Variants in GSE1 observed in about 807,000 individuals in gnomAD.
The protein encoded by GSE1 is Gse1 coiled-coil protein, also known as genetic suppressor element 1.
A neutral mutation model predicts 112.6 loss-of-function variants in GSE1; 32 were observed. The observed-to-expected ratio is 0.28, with a 90% CI of 0.21 to 0.38. The LOEUF (loss-of-function observed/expected upper bound fraction) is 0.38. Among genes scored for constraint, GSE1 ranks in the 10% least tolerant of loss-of-function variants. The pLI is 1.00. For missense variants in GSE1, 2,348 were observed against 1,699.2 expected (o/e 1.38, Z -6.71); for synonymous variants, 1,115 against 735.6 (o/e 1.52, Z -8.35).
intron 1 of GSE1, among the ~76,000 whole-genome samples, chr16:85,286,608 C>G (rs1357331605): frequency 6.6e-6 from 1 of 152,140 alleles, no homozygotes; most frequent in African/African-American, 2.4e-5. Context: ...CTGCAACAGT[C>G]ATCGTGGGCA....
At chr16:85,186,916 C>G (rs536469768) in intron 1 of GSE1, among the ~76,000 whole-genome samples, 1 of 152,156 alleles carries the variant, frequency 6.6e-6, no homozygotes, top group Admixed American at 6.5e-5. Context: ...ACCCTGTAAA[C>G]AGGACCCTCT....
At chr16:85,501,269 T>A (rs967038397) in intron 2 of GSE1, among the ~76,000 whole-genome samples, 2 of 152,126 alleles carry the variant, frequency 1.3e-5, no homozygotes, top group African/African-American at 4.8e-5. Flanking sequence ...CCCAAAGTGC[T>A]GGGATTACAG....
At chr16:85,401,168 C>T (rs988829299) in intron 2 of GSE1, among the ~76,000 whole-genome samples, 8 of 152,234 alleles carry the variant, frequency 5.3e-5, no homozygotes, top group African/African-American at 7.2e-5. Context: ...TGGGGGCCCC[C>T]GCCCGGCAGG....
At chr16:85,388,004 A>ATGGG (rs2047727549) in intron 2 of GSE1, among the ~76,000 whole-genome samples, 1 of 87,270 alleles carries the variant, frequency 1.1e-5, no homozygotes, top group African/African-American at 3.9e-5. Context: ...GGATGGATGG[A>ATGGG]TGGATGGATG....
rs997091138 is a variant in GSE1 at position 85,661,586 on chromosome 16, C to G, written c.2081C>G (p.Pro694Arg). ...TILGQQRASL[P>R]QAATFGELSG... ...CTGGGCCAGCAGCGGGCCTCCCTCC[C>G]ACAGGCGGCCACCTTCGGGGAGCTC... is the stretch of plus-strand genomic sequence containing the variant. The change falls in exon 9 of 16, where the codon CCA (proline) becomes CGA (arginine). Residue 694 changes from proline to arginine, a missense_variant. By Grantham distance (103) the Pro-to-Arg change is moderately radical. Coordinates refer to ENST00000253458, the MANE Select transcript of GSE1 (RefSeq NM_014615.5). 6 of 1,610,148 alleles carry G rather than the reference C, an allele frequency of 3.7e-6. No homozygotes were observed. Among genetic ancestry groups the G allele is most frequent in the Non-Finnish European group, 4.2e-6 (5 of 1,178,932 alleles).
chr16:85,273,493 G>T (rs937001343), intron 1 of GSE1, among the ~76,000 whole-genome samples: 4 of 152,164 alleles, frequency 2.6e-5, no homozygotes, highest in Admixed American at 6.5e-5. Flanking sequence ...GTGAAGTGCA[G>T]ATCCATGGTG....
At chr16:85,330,151 G>C (rs2046308569) in intron 1 of GSE1, among the ~76,000 whole-genome samples, 5 of 152,196 alleles carry the variant, frequency 3.3e-5, no homozygotes, top group Admixed American at 3.3e-4. Flanking sequence ...GGGACCCCAG[G>C]GCTCATGTCC....
chr16:85,195,768 G>A (rs1325227096), intron 1 of GSE1, among the ~76,000 whole-genome samples: 1 of 152,140 alleles, frequency 6.6e-6, no homozygotes, highest in Non-Finnish European at 1.5e-5. Context: ...AGACTGTCCC[G>A]GAAAGGTTAG....
At chr16:85,528,788 C>T (rs1004684862) in intron 2 of GSE1, among the ~76,000 whole-genome samples, 2 of 152,090 alleles carry the variant, frequency 1.3e-5, no homozygotes, top group Non-Finnish European at 2.9e-5. Flanking sequence ...AAGCTGATGC[C>T]TCTTGTTCCA....
chr16:85,203,185 C>T (rs963655143), intron 1 of GSE1, among the ~76,000 whole-genome samples: 10 of 149,786 alleles, frequency 6.7e-5, no homozygotes, highest in African/African-American at 2.0e-4. Flanking sequence ...CTAGGCACCC[C>T]CTTTCCATCT....
intron 1 of GSE1, among the ~76,000 whole-genome samples, chr16:85,229,160 C>A (rs942377339): frequency 8.5e-5 from 13 of 152,218 alleles, no homozygotes; most frequent in African/African-American, 3.1e-4. Flanking sequence ...TAAGAGGACG[C>A]CCCCCTTTGT....
intron 1 of GSE1, among the ~76,000 whole-genome samples, chr16:85,574,453 G>A (rs1166122014): frequency 2.0e-5 from 3 of 152,252 alleles, no homozygotes; most frequent in South Asian, 4.1e-4. Flanking sequence ...ATCAAAACCC[G>A]AGGCTTACTC....
chr16:85,211,176 C>G (rs1162854451), intron 1 of GSE1, among the ~76,000 whole-genome samples: 1 of 152,198 alleles, frequency 6.6e-6, no homozygotes, highest in Non-Finnish European at 1.5e-5. Flanking sequence ...GACACCACCC[C>G]TCTGGGAGTT....
chr16:85,329,364 G>C (rs1194066356), intron 1 of GSE1, among the ~76,000 whole-genome samples: 1 of 152,156 alleles, frequency 6.6e-6, no homozygotes, highest in Non-Finnish European at 1.5e-5. Context: ...GGGCGGCGTG[G>C]GGAAGACATA....
At chr16:85,614,726 T>C (rs1195166672) in intron 1 of GSE1, among the ~76,000 whole-genome samples, 3 of 152,174 alleles carry the variant, frequency 2.0e-5, no homozygotes, top group African/African-American at 7.2e-5. Flanking sequence ...CTAGCCTTTG[T>C]ACAAAGTGCG....
intron 1 of GSE1, among the ~76,000 whole-genome samples, chr16:85,341,161 C>T (rs1442382710): frequency 1.3e-5 from 2 of 152,012 alleles, no homozygotes; most frequent in South Asian, 2.1e-4. Flanking sequence ...CAAGAACATG[C>T]GAGTTTTTCT....
chr16:85,313,532 C>A (rs114674257), intron 1 of GSE1, among the ~76,000 whole-genome samples: 1 of 152,258 alleles, frequency 6.6e-6, no homozygotes, highest in East Asian at 1.9e-4. Flanking sequence ...CCCCCACCCC[C>A]CTGATCCCCT....
chr16:85,207,910 G>C (rs2075148774), intron 1 of GSE1: 1 of 152,308 alleles, frequency 6.6e-6, no homozygotes, highest in Non-Finnish European at 1.5e-5. Flanking sequence ...GCACGATGTT[G>C]CTGGGGGGTA....
chr16:85,648,513 C>G, intron 2 of GSE1, 39 bp from the exon 3 acceptor site: 2 of 1,151,630 alleles, frequency 1.7e-6, no homozygotes, highest in Non-Finnish European at 1.2e-6. Flanking sequence ...GTGGCTGTCA[C>G]TGCGGCTCCC....
Sources: allele counts gnomAD v4.1 joint callset (sites outside exome capture counted in the v4.1 genomes callset), GRCh38; gene constraint gnomAD v4.1.1; transcripts MANE v1.5; gene names NCBI Gene and HGNC (gene_info 2026-07-23, HGNC 2026-07-21).